The following MAP3K20 variants were observed in gnomAD, a reference collection of about 807,000 sequenced individuals.
MAP3K20 encodes the protein mitogen-activated protein kinase kinase kinase 20.
In MAP3K20, 40 loss-of-function variants were observed where a neutral mutation model predicts 85.7. The ratio of observed to expected loss-of-function variants is 0.47; its 90% CI spans 0.36 to 0.61. MAP3K20 has a LOEUF of 0.61. Among genes scored for constraint, MAP3K20 ranks in the 20% least tolerant of loss-of-function variants. The pLI is 0.00. For missense variants in MAP3K20, 817 were observed against 961.7 expected (o/e 0.85, Z 1.99); for synonymous variants, 325 against 327.7 (o/e 0.99, Z 0.09).
chr2:173,075,592 T>G (rs374268642), upstream of MAP3K20: 116 of 248,212 alleles, frequency 4.7e-4, 1 homozygote, highest in South Asian at 8.3e-3. Context: ...GCAGGTGGTG[T>G]TAATTTGTCA....
At chr2:173,216,678 C>G (rs954414206) in intron 10 of MAP3K20, among the ~76,000 whole-genome samples, 13 of 152,178 alleles carry the variant, frequency 8.5e-5, no homozygotes, top group African/African-American at 3.1e-4. Context: ...GTCATCTCAA[C>G]CACTTACTGA....
chr2:173,080,748 C>T (rs1265007371), intron 1 of MAP3K20, among the ~76,000 whole-genome samples: 1 of 152,124 alleles, frequency 6.6e-6, no homozygotes, highest in East Asian at 1.9e-4. Flanking sequence ...CCAAGTTATA[C>T]TTATGTAGTG....
chr2:173,076,450 A>G (rs1686864576), intron 1 of MAP3K20, among the ~76,000 whole-genome samples: 1 of 152,106 alleles, frequency 6.6e-6, no homozygotes, highest in Non-Finnish European at 1.5e-5. Flanking sequence ...GAGGCCCCCA[A>G]ATCAGGGTAG....
At chr2:173,144,303 A>C (rs972644532) in intron 2 of MAP3K20, among the ~76,000 whole-genome samples, 3 of 151,810 alleles carry the variant, frequency 2.0e-5, no homozygotes, top group Non-Finnish European at 4.4e-5. Context: ...CTCTACTAAA[A>C]ATACAAAAAA....
chr2:173,242,174 A>T (rs938842090), intron 16 of MAP3K20, among the ~76,000 whole-genome samples: 1 of 146,714 alleles, frequency 6.8e-6, no homozygotes, highest in Non-Finnish European at 1.5e-5. Flanking sequence ...CCAAGAAAAA[A>T]AAATTTTTTT....
intron 2 of MAP3K20, among the ~76,000 whole-genome samples, chr2:173,124,292 A>G (rs1247738410): frequency 6.6e-6 from 1 of 152,146 alleles, no homozygotes; most frequent in Non-Finnish European, 1.5e-5. Context: ...GTGGTTGACT[A>G]CTGAATGGGG....
At chr2:173,075,756 C>T (rs1237472532), upstream of MAP3K20, 2 of 985,384 alleles carry the variant, frequency 2.0e-6, no homozygotes, top group African/African-American at 1.7e-5. Context: ...AGCGCCTTCC[C>T]CACGCCCCGC....
At chr2:173,206,781 A>G (rs1027532833) in intron 9 of MAP3K20, among the ~76,000 whole-genome samples, 1 of 152,220 alleles carries the variant, frequency 6.6e-6, no homozygotes, top group Non-Finnish European at 1.5e-5. Flanking sequence ...CAATTTGGAA[A>G]GTGGATGCCA....
chr2:173,191,867 G>C (rs1322901961), intron 7 of MAP3K20, among the ~76,000 whole-genome samples: 1 of 152,220 alleles, frequency 6.6e-6, no homozygotes, highest in Non-Finnish European at 1.5e-5. Context: ...GCTCCTGGAG[G>C]AGGAATTTGG....
intron 3 of MAP3K20, among the ~76,000 whole-genome samples, chr2:173,175,205 T>C (rs1455427025): frequency 6.6e-6 from 1 of 152,220 alleles, no homozygotes; most frequent in Non-Finnish European, 1.5e-5. Flanking sequence ...TATTTTGTTG[T>C]TCAAATAAAT....
chr2:173,193,531 G>A (rs551698695), intron 7 of MAP3K20, among the ~76,000 whole-genome samples: 1 of 152,260 alleles, frequency 6.6e-6, no homozygotes, highest in Admixed American at 6.5e-5. Context: ...TTCCTGAGAT[G>A]AAGTACAATC....
intron 2 of MAP3K20, among the ~76,000 whole-genome samples, chr2:173,136,871 T>G (rs949680078): frequency 1.3e-5 from 2 of 152,240 alleles, no homozygotes; most frequent in Non-Finnish European, 2.9e-5. Flanking sequence ...CAGATTTTAT[T>G]AGGCAGAAGA....
chr2:173,138,159 C>T (rs557973179), intron 2 of MAP3K20, among the ~76,000 whole-genome samples: 10 of 152,042 alleles, frequency 6.6e-5, no homozygotes, highest in East Asian at 3.9e-4. Flanking sequence ...TCAGTAGAGA[C>T]GGGGTTTCAT....
Position 173,190,851 on chromosome 2 carries a change from CAAATT to C in MAP3K20, c.416-42_416-38del, listed in dbSNP as rs773560264. The stretch of plus-strand genomic sequence containing the variant: ...TTTTTTCAGTAGAAGACAGCTCAAA[CAAATT>C]AGATGATTGTCATAATTTATCCTTT... On this transcript the variant is annotated intron_variant, in intron 5 of 19. Coordinates refer to ENST00000375213, the MANE Select transcript of MAP3K20 (RefSeq NM_016653.3). 4.6e-6 allele frequency: 7 copies of C among 1,526,830 alleles called. No individual in the cohort carries two copies. The African/African-American group carries it at 8.4e-5, about 18-fold the overall frequency. 94.6% of individuals were successfully genotyped at this position (1,526,830 alleles called of 1,614,324 possible). A position where few individuals can be genotyped will look rare whatever the true frequency, so the allele number is the denominator to read the frequency against.
At chr2:173,076,297 G>T (rs1243282397) in intron 1 of MAP3K20, among the ~76,000 whole-genome samples, 1 of 152,064 alleles carries the variant, frequency 6.6e-6, no homozygotes, top group Non-Finnish European at 1.5e-5. Context: ...GTCCCATGGA[G>T]AAGTTGGCGC....
rs563910253 is a variant in MAP3K20, at chr2:173,138,420, G to A, written c.160-31385G>A. 1.3e-3 allele frequency among the ~76,000 whole-genome samples: 192 copies of A among 152,318 alleles called. 1 individual carries two copies. The highest frequency in any genetic ancestry group is 4.4e-3 in the African/African-American group (181 of 41,568). ...CACAGTCATAGCATTGTAATATGGGGAAGATTTGAAAGATGATGAAGGATT... is the reference window on the plus strand; with the variant it reads ...CACAGTCATAGCATTGTAATATGGGAAAGATTTGAAAGATGATGAAGGATT... On this transcript the variant is annotated intron_variant, in intron 2 of 19. Coordinates refer to ENST00000375213, the MANE Select transcript of MAP3K20 (RefSeq NM_016653.3).
chr2:173,093,930 A>G (rs1339014045), intron 2 of MAP3K20, among the ~76,000 whole-genome samples: 1 of 143,150 alleles, frequency 7.0e-6, no homozygotes, highest in Non-Finnish European at 1.5e-5. Context: ...ATATGTGGGA[A>G]TTGAACAATG....
rs1449108537 is a variant in MAP3K20 at position 173,238,383 on chromosome 2, A to G, written c.1214A>G (p.Glu405Gly). 14 of 1,612,556 alleles carry G rather than the reference A, an allele frequency of 8.7e-6. No homozygotes were observed. The highest frequency in any genetic ancestry group is 1.2e-5 in the Non-Finnish European group (14 of 1,179,342). The change falls in exon 15 of 20, where the codon GAG (glutamate) becomes GGG (glycine). Residue 405 changes from glutamate (E) to glycine (G), a missense_variant. Physicochemically the swap from Glu to Gly is moderately conservative, Grantham distance 98. Coordinates refer to ENST00000375213, the MANE Select transcript of MAP3K20 (RefSeq NM_016653.3). Reference sequence around the variant, plus strand: ...TGATTTTTTTTACAGTCAGCCATTGAGAAATTAACCCATGATTACATAAAT... The same window carrying G: ...TGATTTTTTTTACAGTCAGCCATTGGGAAATTAACCCATGATTACATAAAT... ...GHIIHFKSAI[E>G]KLTHDYINLF... is the part of the protein sequence containing the mutation.
intron 10 of MAP3K20, chr2:173,215,571 C>G (rs1339807950): frequency 6.6e-6 from 1 of 152,056 alleles, no homozygotes; most frequent in African/African-American, 2.4e-5. Flanking sequence ...CAGATGGCAC[C>G]AGTAAAAGGC....
Sources: allele counts gnomAD v4.1 joint callset (sites outside exome capture counted in the v4.1 genomes callset), GRCh38; gene constraint gnomAD v4.1.1; transcripts MANE v1.5; gene names NCBI Gene and HGNC (gene_info 2026-07-23, HGNC 2026-07-21).